ATP8B4: variants seen among roughly 807,000 people sequenced by gnomAD.
The protein encoded by ATP8B4 is probable phospholipid-transporting ATPase IM.
ATP8B4 carries 133 observed loss-of-function variants against 145.6 expected under a neutral mutation model. The observed-to-expected ratio is 0.91, with a 90% confidence interval of 0.79 to 1.05. The LOEUF is 1.05. Among genes scored for constraint, ATP8B4 ranks in the 50% least tolerant of loss-of-function variants. The probability of loss-of-function intolerance (pLI) is 0.00; values close to 1 mark genes in which losing one functional copy is unlikely to be tolerated. For missense variants in ATP8B4, 1,458 were observed against 1,425.2 expected (o/e 1.02, Z -0.37); for synonymous variants, 507 against 492.9 (o/e 1.03, Z -0.38).
intron 1 of ATP8B4, among the ~76,000 whole-genome samples, chr15:50,163,306 C>T (rs2140847200): frequency 6.6e-6 from 1 of 152,344 alleles, no homozygotes; most frequent in Non-Finnish European, 1.5e-5. Flanking sequence ...GTATTGTGAT[C>T]TAAGTCTTTG....
Position 50,073,005 on chromosome 15 carries a change from TATATATATATATATACACAC to T in ATP8B4, c.87+1102_87+1121del, listed in dbSNP as rs1375605672. On this transcript the variant is annotated intron_variant, in intron 3 of 27. Transcript: ENST00000284509. The stretch of plus-strand genomic sequence containing the variant: ...CTATATATATATATATATATATATA[TATATATATATATATACACAC>T]ACACACACACACACACACACACACA... 1.5e-3 allele frequency among the ~76,000 whole-genome samples: 89 copies of T among 57,920 alleles called. 5 individuals carry two copies. The highest frequency in any genetic ancestry group is 4.2e-3 in the South Asian group (6 of 1,436). The allele number at this position is 57,920 out of a possible 152,430, so 38.0% of individuals were successfully genotyped here.
At chr15:50,139,435 G>A (rs531522821) in intron 1 of ATP8B4, among the ~76,000 whole-genome samples, 2 of 152,126 alleles carry the variant, frequency 1.3e-5, no homozygotes, top group African/African-American at 4.8e-5. Context: ...AGGGCCTGTC[G>A]GGGGGTTGGG....
At chr15:50,081,303 T>C (rs1305093571) in intron 2 of ATP8B4, among the ~76,000 whole-genome samples, 1 of 152,128 alleles carries the variant, frequency 6.6e-6, no homozygotes, top group Middle Eastern at 3.2e-3. Flanking sequence ...ATATGGAAAA[T>C]ACATTGTAAA....
intron 20 of ATP8B4, among the ~76,000 whole-genome samples, chr15:49,902,751 T>C (rs1207640218): frequency 6.6e-6 from 1 of 152,198 alleles, no homozygotes; most frequent in Non-Finnish European, 1.5e-5. Flanking sequence ...CATGAAAATG[T>C]ACAGTGCCAA....
At position 49,929,823 on chromosome 15, in the gene ATP8B4, T is replaced by C. The variant is rs1029241346; in HGVS notation, c.1642+1296A>G. 2.0e-5 allele frequency among the ~76,000 whole-genome samples: 3 copies of C among 151,870 alleles called. No individual in the cohort carries two copies. The East Asian group carries it at 5.8e-4, about 29-fold the overall frequency. On this transcript the variant is annotated intron_variant, in intron 16 of 27. Coordinates refer to ENST00000284509, the MANE Select transcript of ATP8B4 (RefSeq NM_024837.4). ...TACTAAGTTTAAAAAAATAGATAGA[T>C]GAACAGATTAATAAGGAAAAGCCAT...
At chr15:49,992,389 T>G (rs185098231) in intron 9 of ATP8B4, among the ~76,000 whole-genome samples, 356 of 152,296 alleles carry the variant, frequency 2.3e-3, no homozygotes, top group African/African-American at 8.4e-3. Context: ...TGTATCCCAG[T>G]CTTAACAAAT....
chr15:49,862,552 G>A (rs776812038), intron 26 of ATP8B4, among the ~76,000 whole-genome samples, 177 bp from the exon 27 acceptor site: 4 of 151,866 alleles, frequency 2.6e-5, no homozygotes, highest in African/African-American at 7.3e-5. Flanking sequence ...TGCCTCCTGC[G>A]TTCATGCCAT....
chr15:50,005,817 G>A (rs960956508), intron 7 of ATP8B4, among the ~76,000 whole-genome samples: 2 of 152,154 alleles, frequency 1.3e-5, no homozygotes, highest in Non-Finnish European at 2.9e-5. Context: ...TGCTTTGTTG[G>A]TGTTCAAAAA....
chr15:50,103,942 C>T (rs1355691589), intron 2 of ATP8B4, among the ~76,000 whole-genome samples: 1 of 151,916 alleles, frequency 6.6e-6, no homozygotes, highest in African/African-American at 2.4e-5. Flanking sequence ...TTTACAGTCA[C>T]CTGATCTTCG....
intron 1 of ATP8B4, among the ~76,000 whole-genome samples, chr15:50,163,125 G>T (rs2044545766): frequency 6.6e-6 from 1 of 152,168 alleles, no homozygotes; most frequent in Non-Finnish European, 1.5e-5. Flanking sequence ...GGTCACTAGT[G>T]CCTTATTAAG....
At chr15:49,937,680 A>G (rs979110074) in intron 14 of ATP8B4, among the ~76,000 whole-genome samples, 2 of 152,200 alleles carry the variant, frequency 1.3e-5, no homozygotes, top group Admixed American at 1.3e-4. Flanking sequence ...GATATTTGAA[A>G]CACAAAATAT....
chr15:50,155,012 T>C (rs937074502), intron 1 of ATP8B4, among the ~76,000 whole-genome samples: 2 of 152,170 alleles, frequency 1.3e-5, no homozygotes, highest in Admixed American at 6.5e-5. Context: ...AGCTCACTTA[T>C]ATTTATCTTG....
chr15:50,024,658 C>T (rs1281818920), intron 6 of ATP8B4, among the ~76,000 whole-genome samples: 3 of 152,216 alleles, frequency 2.0e-5, no homozygotes, highest in Non-Finnish European at 2.9e-5. Flanking sequence ...TCTGCTTCTC[C>T]ACTGGGTGTC....
Position 49,871,664 on chromosome 15 carries a change from C to T in ATP8B4, c.3027+4614G>A, listed in dbSNP as rs1195829600. ...TTTCACTTCCTTTGCTCAATTTCAA[C>T]CTCTCTCCTCATATCCCTTTGCCCC... On this transcript the variant is annotated intron_variant, in intron 25 of 27. Coordinates refer to ENST00000284509, the MANE Select transcript of ATP8B4 (RefSeq NM_024837.4). Among the ~76,000 whole-genome samples, 6 of 152,284 alleles carry T rather than the reference C, an allele frequency of 3.9e-5. No individual in the cohort carries two copies. The South Asian group carries it at 1.0e-3, about 26-fold the overall frequency.
Position 49,901,251 on chromosome 15 carries a change from GGGT to G in ATP8B4, c.2142-15_2142-13del. On this transcript the variant is annotated splice_polypyrimidine_tract_variant and intron_variant, in intron 20 of 27. Transcript: ENST00000284509. The stretch of plus-strand genomic sequence containing the variant: ...TTTGTTTTGCTTTCCTTAAAGGAGA[GGGT>G]GAAAAGTGAAACATAACAAAGCATA... 6.2e-7 allele frequency: 1 copy of G among 1,611,386 alleles called. No homozygotes were observed. Among genetic ancestry groups the G allele is most frequent in the South Asian group, 1.1e-5 (1 of 90,868 alleles).
chr15:50,052,386 G>C (rs1429449769), intron 3 of ATP8B4, among the ~76,000 whole-genome samples: 1 of 152,224 alleles, frequency 6.6e-6, no homozygotes, highest in Non-Finnish European at 1.5e-5. Flanking sequence ...AGGAGGAATG[G>C]TTAACAGATT....
intron 24 of ATP8B4, among the ~76,000 whole-genome samples, chr15:49,877,652 T>TG (rs998831927): frequency 6.6e-6 from 1 of 152,020 alleles, no homozygotes; most frequent in Non-Finnish European, 1.5e-5. Context: ...CGGGTTTAGC[T>TG]GGTGTGTTAT....
At chr15:49,866,911 C>T (rs938462735) in intron 25 of ATP8B4, among the ~76,000 whole-genome samples, 2 of 152,188 alleles carry the variant, frequency 1.3e-5, no homozygotes, top group Non-Finnish European at 2.9e-5. Flanking sequence ...TTTCACAATA[C>T]CATTTTTACA....
chr15:49,862,413 A>G, intron 26 of ATP8B4, 38 bp from the exon 27 acceptor site: 1 of 1,596,750 alleles, frequency 6.3e-7, no homozygotes, highest in Non-Finnish European at 8.5e-7. Flanking sequence ...TGTGGTTACA[A>G]GTAGGACTGA....
Sources: gnomAD v4.1 joint callset for allele counts (sites outside exome capture counted in the v4.1 genomes callset) on GRCh38, gnomAD v4.1.1 for gene constraint, MANE v1.5 for transcripts, NCBI Gene and HGNC (gene_info 2026-07-23, HGNC 2026-07-21) for gene names.